Variants in AP3B1 observed in about 807,000 individuals in gnomAD.
AP3B1 encodes the protein adaptor related protein complex 3 subunit beta 1.
Under a neutral mutation model 132.5 loss-of-function variants are expected in AP3B1, and 61 were observed. The observed-to-expected ratio is 0.46, with a 90% confidence interval of 0.37 to 0.57. AP3B1 has a LOEUF of 0.57. Ranked by LOEUF, AP3B1 falls within the 20% of genes least tolerant of loss-of-function variation. The probability of loss-of-function intolerance (pLI) is 0.00; values close to 1 mark genes in which losing one functional copy is unlikely to be tolerated. For missense variants in AP3B1, 1,120 were observed against 1,289.4 expected, an observed-to-expected ratio of 0.87 and a Z score of 2.01; for synonymous variants, 388 against 438.3, an observed-to-expected ratio of 0.89 and a Z score of 1.43.
chr5:78,006,897 T>C (rs1746420531), intron 26 of AP3B1, among the ~76,000 whole-genome samples: 1 of 152,222 alleles, frequency 6.6e-6, no homozygotes, highest in South Asian at 2.1e-4. Context: ...CCTATAGGAA[T>C]TCTTAAGATT....
chr5:78,236,664 T>C (rs1366483800), intron 3 of AP3B1, among the ~76,000 whole-genome samples: 3 of 152,240 alleles, frequency 2.0e-5, no homozygotes, highest in Non-Finnish European at 2.9e-5. Flanking sequence ...AGTAGATCTA[T>C]GCAAGGCACT....
At chr5:78,150,175 T>C (rs1753584411) in intron 14 of AP3B1, among the ~76,000 whole-genome samples, 1 of 152,176 alleles carries the variant, frequency 6.6e-6, no homozygotes, top group African/African-American at 2.4e-5. Context: ...CTGCATTTAT[T>C]ATAGAACATC....
At position 78,175,677 on chromosome 5, in the gene AP3B1, C is replaced by G. The variant is rs76433453; in HGVS notation, c.1116G>C (p.Leu372=). The stretch of plus-strand genomic sequence containing the variant: ...CAGTTGACCTAACATAGAAACTCTT[C>G]AGATAAGGTTCAAACATCCCCTGGA... ...IQRKGMFEPY[L]KSFYVRSTDP... The change falls in exon 11 of 27, where the codon CTG becomes CTC. Residue 372 remains leucine, a synonymous_variant. Coordinates refer to ENST00000255194, the MANE Select transcript of AP3B1 (RefSeq NM_003664.5). The G allele has an allele frequency of 4.5e-3, 7,339 of 1,613,356 alleles. 293 individuals are homozygous for G. In the African/African-American group the frequency reaches 0.08, roughly 18 times the overall value.
intron 26 of AP3B1, among the ~76,000 whole-genome samples, chr5:78,008,454 T>C (rs1746486477): frequency 6.6e-6 from 1 of 152,214 alleles, no homozygotes; most frequent in Admixed American, 6.5e-5. Context: ...CCAAATATGC[T>C]TTCTGTGTGA....
At chr5:78,140,153 C>G (rs182187179) in intron 15 of AP3B1, among the ~76,000 whole-genome samples, 7 of 152,088 alleles carry the variant, frequency 4.6e-5, no homozygotes, top group Admixed American at 2.0e-4. Flanking sequence ...TACATGGAAG[C>G]AAAAATGATT....
intron 6 of AP3B1, among the ~76,000 whole-genome samples, chr5:78,219,455 T>C (rs1580502626): frequency 6.6e-6 from 1 of 151,996 alleles, no homozygotes; most frequent in Admixed American, 6.6e-5. Context: ...GTTGAGAAGG[T>C]AGATGAAAAT....
intron 22 of AP3B1, among the ~76,000 whole-genome samples, chr5:78,070,409 G>GAAAAAAAAAAAAA (rs70997966): frequency 7.6e-6 from 1 of 131,374 alleles, no homozygotes; most frequent in Non-Finnish European, 1.6e-5. Context: ...TCCATCTCAA[G>GAAAAAAAAAAAAA]AAAAAAAAAA....
chr5:78,110,434 C>A (rs765970327), intron 19 of AP3B1, 80 bp from the exon 20 acceptor site: 2 of 1,060,236 alleles, frequency 1.9e-6, no homozygotes, highest in African/African-American at 1.6e-5. Context: ...TTTTTAAATT[C>A]CAGAATACAT....
At chr5:78,224,363 A>G (rs1270570678) in intron 6 of AP3B1, among the ~76,000 whole-genome samples, 1 of 151,964 alleles carries the variant, frequency 6.6e-6, no homozygotes, top group African/African-American at 2.4e-5. Flanking sequence ...AAAAATATAT[A>G]GTAAAAAAAC....
chr5:78,223,388 A>G (rs1467870895), intron 6 of AP3B1, among the ~76,000 whole-genome samples: 1 of 152,200 alleles, frequency 6.6e-6, no homozygotes, highest in Non-Finnish European at 1.5e-5. Context: ...AAAGCCCCCA[A>G]AGAATCTACC....
chr5:78,173,409 T>A (rs1374158414), intron 11 of AP3B1, among the ~76,000 whole-genome samples: 8 of 152,148 alleles, frequency 5.3e-5, no homozygotes, highest in Non-Finnish European at 1.0e-4. Flanking sequence ...TTTGTAGGTC[T>A]CTAAGGGCTT....
intron 17 of AP3B1, among the ~76,000 whole-genome samples, chr5:78,123,420 A>G (rs1752317131): frequency 6.6e-6 from 1 of 152,076 alleles, no homozygotes; most frequent in African/African-American, 2.4e-5. Context: ...AATCTACAGA[A>G]TGGGAGAAAA....
chr5:78,285,634 A>C (rs972225647), intron 1 of AP3B1, among the ~76,000 whole-genome samples: 1 of 150,632 alleles, frequency 6.6e-6, no homozygotes, highest in African/African-American at 2.5e-5. Context: ...TCTCAAACTT[A>C]ACATGCACAA....
chr5:78,276,072 AT>A (rs70997979), intron 1 of AP3B1, among the ~76,000 whole-genome samples: 27 of 149,030 alleles, frequency 1.8e-4, no homozygotes, highest in African/African-American at 5.2e-4. Context: ...CATAATGGTA[AT>A]TTTTTTTTTT....
intron 3 of AP3B1, among the ~76,000 whole-genome samples, chr5:78,232,557 C>T (rs1166208473): frequency 2.0e-5 from 3 of 152,158 alleles, no homozygotes; most frequent in East Asian, 1.9e-4. Flanking sequence ...TCTCTATGCC[C>T]AGAGAAGCTG....
At chr5:78,116,075 G>T in intron 18 of AP3B1, 51 bp downstream of exon 18, 2 of 1,326,480 alleles carry the variant, frequency 1.5e-6, no homozygotes, top group Non-Finnish European at 2.2e-6. Context: ...CTGAGATATA[G>T]AATGTAATCT....
intron 22 of AP3B1, among the ~76,000 whole-genome samples, chr5:78,064,603 G>T (rs565121551): frequency 1.2e-3 from 179 of 152,272 alleles, no homozygotes; most frequent in Non-Finnish European, 2.2e-3. Flanking sequence ...ACCTTAGAAA[G>T]ATGTGCTTTA....
intron 17 of AP3B1, among the ~76,000 whole-genome samples, chr5:78,120,003 T>C (rs1304159448): frequency 6.6e-6 from 1 of 152,132 alleles, no homozygotes; most frequent in African/African-American, 2.4e-5. Context: ...TGGCAGAAAC[T>C]CTACAAGCCA....
At chr5:78,128,900 T>G (rs1280781376) in intron 16 of AP3B1, among the ~76,000 whole-genome samples, 1 of 151,994 alleles carries the variant, frequency 6.6e-6, no homozygotes, top group African/African-American at 2.4e-5. Context: ...GTCAGAACGC[T>G]TAAAATTATT....
Sources: allele counts gnomAD v4.1 joint callset (sites outside exome capture counted in the v4.1 genomes callset), GRCh38; gene constraint gnomAD v4.1.1; transcripts MANE v1.5; gene names NCBI Gene and HGNC (gene_info 2026-07-23, HGNC 2026-07-21).